NR4A3: variants seen among roughly 807,000 people sequenced by gnomAD.
NR4A3 encodes chondrosarcoma, extraskeletal myxoid, fused to EWS.
NR4A3 carries 13 observed loss-of-function variants against 55.6 expected under a neutral mutation model. The ratio of observed to expected loss-of-function variants is 0.23; its 90% confidence interval spans 0.15 to 0.37. The LOEUF (loss-of-function observed/expected upper bound fraction) is 0.37, where lower values mean the gene tolerates loss of function less well. Ranked by LOEUF, NR4A3 falls within the 10% of genes least tolerant of loss-of-function variation. The pLI is 1.00. For missense variants in NR4A3, 646 were observed against 822.8 expected (o/e 0.79, Z 2.63); for synonymous variants, 342 against 357.9 (o/e 0.96, Z 0.50).
chr9:99,829,028 G>A, intron 3 of NR4A3, 35 bp downstream of exon 3: 1 of 1,307,446 alleles, frequency 7.6e-7, no homozygotes, highest in Non-Finnish European at 9.7e-7. Context: ...TCCGCACCCA[G>A]CCCCCTCACT....
At position 99,821,959 on chromosome 9, in the gene NR4A3, T is replaced by A. The variant is rs757047813; in HGVS notation, c.-625T>A. ...GCTCCTGCTCCTCCTCCGCTCCCCA[T>A]ACACAGACGCGCTCACACCCGCTCC... is the stretch of plus-strand genomic sequence containing the variant. On this transcript the variant is annotated 5_prime_UTR_variant, in exon 1 of 8. Transcript: ENST00000395097. 8.5e-6 allele frequency: 1 copy of A among 118,134 alleles called. No individual in the cohort carries two copies. Among genetic ancestry groups the A allele is most frequent in the East Asian group, 2.9e-4 (1 of 3,392 alleles). The allele number at this position is 118,134 out of a possible 1,614,324, so 7.3% of individuals were successfully genotyped here.
intron 7 of NR4A3, among the ~76,000 whole-genome samples, chr9:99,861,964 C>T (rs1407705769): frequency 6.6e-6 from 1 of 151,918 alleles, no homozygotes; most frequent in African/African-American, 2.4e-5. Context: ...TATGGTGGTG[C>T]ATGCCTATAG....
At chr9:99,860,798 C>T (rs1827997173) in intron 7 of NR4A3, among the ~76,000 whole-genome samples, 1 of 152,240 alleles carries the variant, frequency 6.6e-6, no homozygotes, top group African/African-American at 2.4e-5. Context: ...AGTTACCAGC[C>T]ACTTGCCCAC....
intron 5 of NR4A3, among the ~76,000 whole-genome samples, chr9:99,842,881 GT>G (rs1827680121): frequency 6.6e-6 from 1 of 152,310 alleles, no homozygotes; most frequent in African/African-American, 2.4e-5. Context: ...CTGAGCCTCA[GT>G]TTTTTCACCT....
chr9:99,844,743 G>C lies in NR4A3; in HGVS notation c.1349G>C (p.Ser450Thr). Residue 450 changes from serine to threonine, a missense_variant, in exon 6 of 8, where the codon AGC (serine) becomes ACC (threonine). Ser to Thr is a moderately conservative substitution (Grantham distance 58). Around this residue, in one of 5 missense-constraint regions of NR4A3, gnomAD observed 163 missense variants for 233.0 expected, o/e 0.70. Coordinates refer to ENST00000395097, the MANE Select transcript of NR4A3 (RefSeq NM_006981.4). Reference protein sequence around the residue: ...LLTASIDVSRSWAEKIPGFTD... With the variant: ...LLTASIDVSRTWAEKIPGFTD... ...ACAGCCTCCATTGATGTATCCAGAA[G>C]CTGGGCAGAAAAGATTCCGGGATTT... 1 of 1,614,136 alleles carries C rather than the reference G, an allele frequency of 6.2e-7. No homozygotes were observed. Among genetic ancestry groups the C allele is most frequent in the Non-Finnish European group, 8.5e-7 (1 of 1,179,982 alleles).
intron 7 of NR4A3, among the ~76,000 whole-genome samples, chr9:99,855,561 C>T (rs1417911851): frequency 6.6e-6 from 1 of 152,202 alleles, no homozygotes; most frequent in African/African-American, 2.4e-5. Flanking sequence ...GACACATACT[C>T]TACCAAATCA....
chr9:99,835,981 A>C lies in NR4A3; in HGVS notation c.1254+2527A>C, dbSNP rs550491306. Among the ~76,000 whole-genome samples the C allele has an allele frequency of 7.2e-5, 11 of 152,340 alleles. 1 individual carries two copies. The South Asian group carries it at 2.3e-3, about 32-fold the overall frequency. On this transcript the variant is annotated intron_variant, in intron 5 of 7. Coordinates refer to ENST00000395097, the MANE Select transcript of NR4A3 (RefSeq NM_006981.4). ...TTGCATTATTTTGGAATCAGGTTGA[A>C]CCTCATAACTTGGATTCCCCTGCTT... is the stretch of plus-strand genomic sequence containing the variant.
chr9:99,837,512 T>C (rs942732075), intron 5 of NR4A3, among the ~76,000 whole-genome samples: 6 of 152,132 alleles, frequency 3.9e-5, no homozygotes, highest in African/African-American at 1.4e-4. Context: ...GACAATTTAT[T>C]ATATTTTTGA....
chr9:99,859,908 G>A (rs975123312), intron 7 of NR4A3, among the ~76,000 whole-genome samples: 3 of 152,118 alleles, frequency 2.0e-5, no homozygotes, highest in African/African-American at 7.2e-5. Context: ...CTCTCCCTAG[G>A]TTATGAATAT....
At chr9:99,845,923 T>TAC (rs1264020435) in intron 6 of NR4A3, among the ~76,000 whole-genome samples, 1 of 152,206 alleles carries the variant, frequency 6.6e-6, no homozygotes, top group Non-Finnish European at 1.5e-5. Flanking sequence ...CAATCTAGTG[T>TAC]ACACCAGAGC....
chr9:99,861,248 A>G (rs947382977), intron 7 of NR4A3, among the ~76,000 whole-genome samples: 1 of 152,242 alleles, frequency 6.6e-6, no homozygotes, highest in Admixed American at 6.5e-5. Context: ...GGCCAGGTGC[A>G]GTGGTGCATG....
intron 5 of NR4A3, chr9:99,833,848 A>C: frequency 7.8e-7 from 1 of 1,275,516 alleles, no homozygotes; most frequent in Middle Eastern, 3.2e-4. Flanking sequence ...ATTACTAAGC[A>C]GTTTATCCAA....
rs1016343743 is a variant in NR4A3, at chr9:99,822,830, G to A, written c.-177+423G>A. Among the ~76,000 whole-genome samples, 3 of 152,192 alleles carry A rather than the reference G, an allele frequency of 2.0e-5. No homozygotes were observed. The highest frequency in any genetic ancestry group is 7.2e-5 in the African/African-American group (3 of 41,434). ...CGGCAGTAATTTTCCTGCCTTTTAA[G>A]TAGGATTGAAAATAGGAGCTCTGGT... On this transcript the variant is annotated intron_variant, in intron 1 of 7. Coordinates refer to ENST00000395097, the MANE Select transcript of NR4A3 (RefSeq NM_006981.4). The surrounding 1 kb of genome is among the most constrained non-coding windows in gnomAD (Gnocchi z 4.9).
intron 3 of NR4A3, 24 bp from the exon 4 acceptor site, chr9:99,832,665 C>A: frequency 6.5e-7 from 1 of 1,527,644 alleles, no homozygotes. Context: ...TATCAGTTGA[C>A]TATCTTGTAT....
chr9:99,841,230 CG>C (rs1348469132), intron 5 of NR4A3, among the ~76,000 whole-genome samples: 1 of 94,780 alleles, frequency 1.1e-5, no homozygotes, highest in Non-Finnish European at 2.2e-5. Flanking sequence ...ACTCTGTCTC[CG>C]AAAAAAAAAA....
At chr9:99,824,607 C>T (rs576544040) in intron 1 of NR4A3, among the ~76,000 whole-genome samples, 2 of 152,340 alleles carry the variant, frequency 1.3e-5, no homozygotes, top group South Asian at 4.1e-4. Flanking sequence ...CAGGCAAGCC[C>T]CGGGCTCAGG....
chr9:99,857,035 A>G (rs556914646), intron 7 of NR4A3, among the ~76,000 whole-genome samples: 2 of 152,262 alleles, frequency 1.3e-5, no homozygotes, highest in Non-Finnish European at 1.5e-5. Flanking sequence ...AATAGATTAT[A>G]GCAGATACAG....
intron 7 of NR4A3, among the ~76,000 whole-genome samples, chr9:99,855,294 A>G (rs988829892): frequency 6.6e-6 from 1 of 152,166 alleles, no homozygotes; most frequent in African/African-American, 2.4e-5. Flanking sequence ...TTACTTTAGC[A>G]TTTACAAGTA....
rs113359809 is a variant in NR4A3 at position 99,833,689 on chromosome 9, CAT to C, written c.1254+237_1254+238del. 4.2e-4 allele frequency: 652 copies of C among 1,552,988 alleles called. 3 individuals carry two copies. The African/African-American group carries it at 7.7e-3, about 18-fold the overall frequency. On this transcript the variant is annotated intron_variant, in intron 5 of 7. Coordinates refer to ENST00000395097, the MANE Select transcript of NR4A3 (RefSeq NM_006981.4). ...GTGACCCTGACAGTGCTGCACCTGT[CAT>C]ACACATTGTTGCAGGATTCCTGGTG...
Sources: allele counts gnomAD v4.1 joint callset (sites outside exome capture counted in the v4.1 genomes callset), GRCh38; gene constraint gnomAD v4.1.1; regional missense constraint gnomAD v4.1.1; non-coding constraint Gnocchi (gnomAD v3.1); transcripts MANE v1.5; gene names NCBI Gene and HGNC (gene_info 2026-07-23, HGNC 2026-07-21).